HNF4G: variants seen among roughly 807,000 people sequenced by gnomAD.
HNF4G encodes hepatocyte nuclear factor 4-gamma.
HNF4G carries 21 observed loss-of-function variants against 50.9 expected under a neutral mutation model. The ratio of observed to expected loss-of-function variants is 0.41; its 90% CI spans 0.29 to 0.59. HNF4G has a LOEUF of 0.59. HNF4G is among the 20% of genes least tolerant of loss of function. HNF4G has a pLI of 0.26. For missense variants in HNF4G, 527 were observed against 559.4 expected (o/e 0.94, Z 0.58); for synonymous variants, 198 against 185.6 (o/e 1.07, Z -0.54).
intron 3 of HNF4G, among the ~76,000 whole-genome samples, chr8:75,548,087 C>A (rs1480886034): frequency 6.6e-6 from 1 of 150,954 alleles, no homozygotes; most frequent in African/African-American, 2.4e-5. Flanking sequence ...CAGGTTCAAG[C>A]AATTCTCCTG....
intron 1 of HNF4G, among the ~76,000 whole-genome samples, chr8:75,447,057 C>T (rs2130563949): frequency 7.1e-6 from 1 of 141,668 alleles, no homozygotes; most frequent in African/African-American, 2.7e-5. Context: ...GTAACCAAAA[C>T]AGCATGGTAC....
rs1286076505 is a variant in HNF4G, at chr8:75,442,634, G to A, written c.-144+34472G>A. ...AAAATAGGAAGACATTCCTAGATGGGAAGATAAATAATCACAATTATGCAT... is the reference window on the plus strand; with the variant it reads ...AAAATAGGAAGACATTCCTAGATGGAAAGATAAATAATCACAATTATGCAT... On this transcript the variant is annotated intron_variant, in intron 1 of 10. Coordinates refer to the HNF4G transcript ENST00000354370. 2.6e-5 allele frequency among the ~76,000 whole-genome samples: 4 copies of A among 151,912 alleles called. No homozygotes were observed. In the East Asian group the frequency reaches 7.7e-4, roughly 29 times the overall value.
intron 2 of HNF4G, among the ~76,000 whole-genome samples, chr8:75,514,345 T>G (rs1018373232): frequency 7.7e-6 from 1 of 129,228 alleles, no homozygotes; most frequent in Non-Finnish European, 1.6e-5. Context: ...TTTCCTTTCT[T>G]TCTTCTTTCT....
chr8:75,469,694 GTT>G (rs1812069953), intron 1 of HNF4G, among the ~76,000 whole-genome samples: 2 of 152,108 alleles, frequency 1.3e-5, no homozygotes, highest in South Asian at 4.2e-4. Context: ...TTAATTCTTT[GTT>G]TATCTTAAGC....
chr8:75,450,246 C>T (rs904997648), intron 1 of HNF4G, among the ~76,000 whole-genome samples: 1 of 152,174 alleles, frequency 6.6e-6, no homozygotes, highest in African/African-American at 2.4e-5. Flanking sequence ...TCTTTATCTG[C>T]TCATTGATTG....
In HNF4G at chr8:75,551,332, A is replaced by G; in HGVS notation, c.383-56A>G. ...AAAAAAAAAACTCCTTAAAATCTAT[A>G]TTCTAACATACACTAAAGAGAAGTG... On this transcript the variant is annotated intron_variant, in intron 3 of 9. Coordinates refer to ENST00000396423, the MANE Select transcript of HNF4G (RefSeq NM_004133.5). The G allele has an allele frequency of 4.1e-6, 4 of 983,638 alleles. No individual in the cohort carries two copies. In the South Asian group the frequency reaches 4.3e-5, roughly 11 times the overall value. The allele number at this position is 983,638 out of a possible 1,614,324, so 60.9% of individuals were successfully genotyped here. A position where few individuals can be genotyped will look rare whatever the true frequency, so the allele number is the denominator to read the frequency against.
chr8:75,529,312 C>G (rs901322462), intron 2 of HNF4G, among the ~76,000 whole-genome samples: 1 of 151,724 alleles, frequency 6.6e-6, no homozygotes, highest in Non-Finnish European at 1.5e-5. Flanking sequence ...CCTCAGATCT[C>G]GTGAGAATTC....
chr8:75,460,850 G>T (rs16939074), intron 1 of HNF4G, among the ~76,000 whole-genome samples: 24,521 of 152,090 alleles, frequency 0.16, 2,292 homozygotes, highest in African/African-American at 0.25. Flanking sequence ...ATGAAGAATT[G>T]CTGGCTAGCT....
chr8:75,525,559 C>T (rs1006699578), intron 2 of HNF4G, among the ~76,000 whole-genome samples: 12 of 152,316 alleles, frequency 7.9e-5, no homozygotes, highest in African/African-American at 2.4e-4. Flanking sequence ...ATGGATTGTG[C>T]TACCTGACAC....
intron 1 of HNF4G, among the ~76,000 whole-genome samples, chr8:75,438,582 T>C (rs982251565): frequency 6.6e-6 from 1 of 152,016 alleles, no homozygotes; most frequent in African/African-American, 2.4e-5. Flanking sequence ...TTCTTCCTTT[T>C]CAGTTATGAT....
At chr8:75,549,405 C>T (rs1346829051) in intron 3 of HNF4G, among the ~76,000 whole-genome samples, 2 of 152,000 alleles carry the variant, frequency 1.3e-5, no homozygotes, top group East Asian at 1.9e-4. Flanking sequence ...AATTTTTTAT[C>T]TCTGCATATG....
At chr8:75,448,773 GA>G (rs1276971119) in intron 1 of HNF4G, among the ~76,000 whole-genome samples, 1 of 151,932 alleles carries the variant, frequency 6.6e-6, no homozygotes, top group Non-Finnish European at 1.5e-5. Context: ...AGCAAAGTAA[GA>G]AATTATAAAA....
intron 2 of HNF4G, among the ~76,000 whole-genome samples, chr8:75,501,207 A>G (rs899187605): frequency 1.1e-4 from 16 of 152,154 alleles, no homozygotes; most frequent in African/African-American, 4.8e-5. Context: ...TGGGAGGCCA[A>G]TGTGGGGGGA....
At chr8:75,538,515 G>A (rs560199711), upstream of HNF4G, among the ~76,000 whole-genome samples, 2 of 152,176 alleles carry the variant, frequency 1.3e-5, no homozygotes, top group East Asian at 1.9e-4. Context: ...AAGTTTGTGG[G>A]CTCTGCACAA....
rs76803591 is a variant in HNF4G, at chr8:75,526,469, C to T, written c.-23-17342C>T. 5.1e-3 allele frequency among the ~76,000 whole-genome samples: 773 copies of T among 152,240 alleles called. 13 individuals carry two copies. The highest frequency in any genetic ancestry group is 0.018 in the African/African-American group (746 of 41,548). On this transcript the variant is annotated intron_variant, in intron 2 of 10. Transcript: ENST00000354370. ...GAAGTCCAAGGCAATGAGCAATGCT[C>T]TTCCTTCTTGTTTCAGTTCTCATGC...
intron 1 of HNF4G, among the ~76,000 whole-genome samples, chr8:75,542,221 C>G (rs542648886): frequency 6.6e-6 from 1 of 152,026 alleles, no homozygotes; most frequent in Middle Eastern, 3.2e-3. Context: ...GGGAGGATTG[C>G]TTGAGCTCAG....
chr8:75,484,674 C>T (rs1258057466), intron 1 of HNF4G, among the ~76,000 whole-genome samples: 1 of 152,140 alleles, frequency 6.6e-6, no homozygotes, highest in Non-Finnish European at 1.5e-5. Flanking sequence ...AATGTCTGTC[C>T]TCCCCAATAG....
At chr8:75,508,203 G>A (rs780928865) in intron 2 of HNF4G, among the ~76,000 whole-genome samples, 4 of 152,010 alleles carry the variant, frequency 2.6e-5, no homozygotes, top group Non-Finnish European at 5.9e-5. Flanking sequence ...CAGGGAGATT[G>A]GGCCGGGAGC....
At position 75,558,888 on chromosome 8, in the gene HNF4G, A is replaced by G; in HGVS notation, c.974A>G (p.Gln325Arg). 1 of 1,614,046 alleles carries G rather than the reference A, an allele frequency of 6.2e-7. No homozygotes were observed. The highest frequency in any genetic ancestry group is 1.1e-5 in the South Asian group (1 of 91,084). Residue 325 changes from glutamine to arginine, a missense_variant, in exon 8 of 10, where the codon CAG (glutamine) becomes CGG (arginine). Physicochemically the swap from Gln to Arg is conservative, Grantham distance 43. Coordinates refer to ENST00000396423, the MANE Select transcript of HNF4G (RefSeq NM_004133.5). Reference protein sequence around the residue: ...IGLEDYINDRQYDSRGRFGEL... With the variant: ...IGLEDYINDRRYDSRGRFGEL... ...TTGGAGGACTACATCAATGATCGGC[A>G]GTATGACTCCCGGGGGAGGTTTGGA... is the stretch of plus-strand genomic sequence containing the variant.
Sources: allele counts gnomAD v4.1 joint callset (sites outside exome capture counted in the v4.1 genomes callset), GRCh38; gene constraint gnomAD v4.1.1; transcripts MANE v1.5; gene names NCBI Gene and HGNC (gene_info 2026-07-23, HGNC 2026-07-21).